Variants in SH3BP1 observed in about 807,000 individuals in gnomAD.
The protein encoded by SH3BP1 is SH3 domain-binding protein 1.
In SH3BP1, 46 loss-of-function variants were observed where a neutral mutation model predicts 69.8. The observed-to-expected ratio is 0.66, with a 90% confidence interval of 0.52 to 0.84. The LOEUF (loss-of-function observed/expected upper bound fraction) is 0.84, where lower values mean the gene tolerates loss of function less well. Ranked by LOEUF, SH3BP1 falls within the 40% of genes least tolerant of loss-of-function variation. The probability of loss-of-function intolerance (pLI) is 0.00; values close to 1 mark genes in which losing one functional copy is unlikely to be tolerated. For synonymous variants in SH3BP1, 403 were observed against 378.0 expected, an observed-to-expected ratio of 1.07 and a Z score of -0.77; for missense variants, 868 against 930.9, an observed-to-expected ratio of 0.93 and a Z score of 0.88.
At position 37,643,538 on chromosome 22, in the gene SH3BP1, G is replaced by A. The variant is rs1932692255; in HGVS notation, c.474-106G>A. 4 of 1,482,992 alleles carry A rather than the reference G, an allele frequency of 2.7e-6. No homozygotes were observed. In the East Asian group the frequency reaches 7.1e-5, roughly 26 times the overall value. 91.9% of individuals were successfully genotyped at this position (1,482,992 alleles called of 1,614,324 possible). A position where few individuals can be genotyped will look rare whatever the true frequency, so the allele number is the denominator to read the frequency against. ...CCCGGCCAGTGGAGCTCTCAGATCT[G>A]CAGCTCTAAATCCTAGAATCCCATG... On this transcript the variant is annotated intron_variant, in intron 6 of 17. Transcript: ENST00000649765.
At chr22:37,651,525 A>AC (rs1932879376) in intron 16 of SH3BP1, among the ~76,000 whole-genome samples, 1 of 136,200 alleles carries the variant, frequency 7.3e-6, no homozygotes, top group African/African-American at 2.8e-5. Context: ...AGACAGGGTT[A>AC]CCCCATGTTG....
At chr22:37,647,156 A>T in intron 11 of SH3BP1, 111 bp from the exon 12 acceptor site, 1 of 981,310 alleles carries the variant, frequency 1.0e-6, no homozygotes, top group Non-Finnish European at 1.6e-6. Context: ...GCCCAAAGAA[A>T]CTGTCAGACC....
chr22:37,642,303 C>A, intron 3 of SH3BP1: 1 of 541,620 alleles, frequency 1.8e-6, no homozygotes, highest in Non-Finnish European at 3.4e-6. Flanking sequence ...GTCATTCCTT[C>A]CTGCCCAGTC....
intron 14 of SH3BP1, chr22:37,648,964 A>C (rs1348315102): frequency 1.3e-5 from 2 of 156,724 alleles, no homozygotes; most frequent in African/African-American, 4.8e-5. Context: ...CGGCCTCCCA[A>C]AGTGCTGGGA....
Position 37,653,841 on chromosome 22 carries a change from C to G in SH3BP1, c.1661C>G (p.Thr554Arg), listed in dbSNP as rs1459532071. Residue 554 changes from threonine to arginine, a missense_variant, in exon 17 of 18, where the codon ACA (threonine) becomes AGA (arginine). By Grantham distance (71) the Thr-to-Arg change is moderately conservative. Transcript: ENST00000649765. ...AAGGTCACCAGGAGTCCCCCGGAGACAGCTGCCCCAGTGGAGGACATGGCT... is the reference window on the plus strand; with the variant it reads ...AAGGTCACCAGGAGTCCCCCGGAGAGAGCTGCCCCAGTGGAGGACATGGCT... ...SPKVTRSPPE[T>R]AAPVEDMARR... is the part of the protein sequence containing the mutation. The G allele has an allele frequency of 1.2e-6, 2 of 1,613,278 alleles. No homozygotes were observed. The highest frequency in any genetic ancestry group is 4.5e-5 in the East Asian group (2 of 44,862).
At chr22:37,651,425 G>T (rs1932877284) in intron 16 of SH3BP1, among the ~76,000 whole-genome samples, 1 of 151,542 alleles carries the variant, frequency 6.6e-6, no homozygotes, top group Non-Finnish European at 1.5e-5. Context: ...AGCCTCCCGG[G>T]TTCAAGCAAT....
chr22:37,651,798 C>G (rs199799993), intron 16 of SH3BP1, among the ~76,000 whole-genome samples: 2 of 151,830 alleles, frequency 1.3e-5, no homozygotes, highest in Non-Finnish European at 2.9e-5. Context: ...GAGAGAGAGA[C>G]AGCATCAAGC....
At chr22:37,642,716 C>T (rs541044492) in intron 4 of SH3BP1, 101 bp downstream of exon 4, 1 of 1,607,182 alleles carries the variant, frequency 6.2e-7, no homozygotes, top group Admixed American at 1.7e-5. Context: ...AGAAGAATGA[C>T]CAGGCTGGGG....
At chr22:37,645,257 ACAGT>A in intron 9 of SH3BP1, 104 bp from the exon 10 acceptor site, 3 of 1,340,818 alleles carry the variant, frequency 2.2e-6, no homozygotes, top group Non-Finnish European at 3.1e-6. Flanking sequence ...GTGTGCCTGG[ACAGT>A]CAGTGGCAGG....
chr22:37,649,098 G>A (rs375914768), intron 14 of SH3BP1, among the ~76,000 whole-genome samples: 24 of 152,228 alleles, frequency 1.6e-4, no homozygotes, highest in East Asian at 5.8e-4. Context: ...TCAGAACCTC[G>A]ATTTCCTCAT....
chr22:37,650,640 C>A lies in SH3BP1; in HGVS notation c.1513C>A (p.Pro505Thr), dbSNP rs1569010417. The A allele has an allele frequency of 1.2e-6, 2 of 1,614,016 alleles. No individual in the cohort carries two copies. Among genetic ancestry groups the A allele is most frequent in the Non-Finnish European group, 8.5e-7 (1 of 1,180,022 alleles). ...TGAGGAACTTCCGTCCACTGCCGTG[C>A]CCACCCCAGCCACCACCCCGGCTCC... Reference protein sequence around the residue: ...ASEELPSTAVPTPATTPAPAP... With the variant: ...ASEELPSTAVTTPATTPAPAP... Residue 505 changes from proline (P) to threonine (T), a missense_variant, in exon 16 of 18, where the codon CCC (proline) becomes ACC (threonine). This residue lies in a region of SH3BP1 where 474 missense variants were observed against 462.3 expected (regional missense o/e 1.03). Transcript: ENST00000649765.
At chr22:37,649,976 G>T in intron 14 of SH3BP1, 176 bp from the exon 15 acceptor site, 1 of 749,504 alleles carries the variant, frequency 1.3e-6, no homozygotes, top group Non-Finnish European at 2.4e-6. Context: ...CAGGGTGAAG[G>T]AAGGGGGACA....
chr22:37,652,427 G>A (rs574918634), intron 16 of SH3BP1, among the ~76,000 whole-genome samples: 6 of 152,290 alleles, frequency 3.9e-5, no homozygotes, highest in Admixed American at 3.3e-4. Flanking sequence ...CAGCTACCCA[G>A]AAGGCTGTGG....
chr22:37,647,518 T>G lies in SH3BP1; in HGVS notation c.1196T>G (p.Leu399Arg). The part of the protein sequence containing the change: ...SRLPPENLSN[L>R]RYLMKFLARL... The stretch of plus-strand genomic sequence containing the variant: ...CTACCCCCCGAGAACCTCAGCAACC[T>G]CAGGTGAGCCCGAGCCCGCCTCCCC... Residue 399 changes from leucine to arginine, a missense_variant, in exon 13 of 18, where the codon CTC becomes CGC. Leu to Arg is a moderately radical substitution (Grantham distance 102). Transcript: ENST00000649765. 1 of 1,599,872 alleles carries G rather than the reference T, an allele frequency of 6.3e-7. No individual in the cohort carries two copies. The highest frequency in any genetic ancestry group is 1.1e-5 in the South Asian group (1 of 90,754).
At chr22:37,651,046 T>A (rs924674490) in intron 16 of SH3BP1, among the ~76,000 whole-genome samples, 1 of 152,256 alleles carries the variant, frequency 6.6e-6, no homozygotes, top group South Asian at 2.1e-4. Flanking sequence ...GTTTTGTTTT[T>A]TTTTTAAGAC....
At chr22:37,648,692 A>T in intron 14 of SH3BP1, 5 of 308,930 alleles carry the variant, frequency 1.6e-5, no homozygotes, top group African/African-American at 2.3e-5. Flanking sequence ...GAGCCCAGAG[A>T]TCGGGTTCTT....
chr22:37,655,463 C>CA lies in SH3BP1; in HGVS notation c.1886dup (p.Pro630AlafsTer30). ...ACCCCCGTTACCCCCCACACCCCCT[C>CA]AGCCTGCCCGGCGCCAAAGCCGGCG... On this transcript the variant is annotated frameshift_variant, in exon 18 of 18. Transcript: ENST00000649765. LOFTEE classifies it low-confidence loss of function (END_TRUNC). 1 of 1,385,206 alleles carries CA rather than the reference C, an allele frequency of 7.2e-7. No individual in the cohort carries two copies. The highest frequency in any genetic ancestry group is 9.8e-7 in the Non-Finnish European group (1 of 1,018,456). 85.8% of individuals were successfully genotyped at this position (1,385,206 alleles called of 1,614,324 possible).
At chr22:37,645,662 C>G in intron 10 of SH3BP1, 152 bp downstream of exon 10, 1 of 853,592 alleles carries the variant, frequency 1.2e-6, no homozygotes, top group South Asian at 1.8e-5. Context: ...GGCATCCACA[C>G]TACCTCCCCC....
intron 11 of SH3BP1, 124 bp downstream of exon 11, chr22:37,647,053 C>T: frequency 1.3e-6 from 1 of 753,354 alleles, no homozygotes; most frequent in Non-Finnish European, 2.1e-6. Context: ...CACTCGGGTT[C>T]TTAATGTGGG....
Sources: allele counts gnomAD v4.1 joint callset (sites outside exome capture counted in the v4.1 genomes callset), GRCh38; gene constraint gnomAD v4.1.1; regional missense constraint gnomAD v4.1.1; transcripts MANE v1.5; gene names NCBI Gene and HGNC (gene_info 2026-07-23, HGNC 2026-07-21).